SPP2: variants seen among roughly 807,000 people sequenced by gnomAD.
The protein encoded by SPP2 is secreted phosphoprotein 2.
SPP2 carries 34 observed loss-of-function variants against 28.8 expected under a neutral mutation model. The ratio of observed to expected loss-of-function variants is 1.18; its 90% CI spans 0.90 to 1.57. SPP2 has a LOEUF of 1.57. Ranked by LOEUF, SPP2 falls within the 40% of genes most tolerant of loss-of-function variation. The probability of loss-of-function intolerance (pLI) is 0.00; values close to 1 mark genes in which losing one functional copy is unlikely to be tolerated. For synonymous variants in SPP2, 96 were observed against 89.4 expected (o/e 1.07, Z -0.42); for missense variants, 269 against 263.9 (o/e 1.02, Z -0.13).
rs531479150 is a variant in SPP2, at chr2:234,059,080, T to C, written c.333+122T>C. The C allele has an allele frequency of 3.5e-6, 4 of 1,153,258 alleles. 1 individual carries two copies. In the South Asian group the frequency reaches 5.9e-5, roughly 17 times the overall value. 71.4% of individuals were successfully genotyped at this position (1,153,258 alleles called of 1,614,324 possible). ...CTAGCATCTGGCCACACTGCTAACA[T>C]GTGGACATTGTGTCCCCTGGTGGGG... On this transcript the variant is annotated intron_variant, in intron 3 of 7. Coordinates refer to ENST00000168148, the MANE Select transcript of SPP2 (RefSeq NM_006944.3).
At chr2:234,073,124 G>T (rs1270334422) in intron 7 of SPP2, among the ~76,000 whole-genome samples, 2 of 152,192 alleles carry the variant, frequency 1.3e-5, no homozygotes, top group Admixed American at 6.5e-5. Flanking sequence ...CTGACCTCAA[G>T]TGCTCCACCT....
At chr2:234,070,652 G>A (rs1574836138) in intron 7 of SPP2, among the ~76,000 whole-genome samples, 2 of 152,148 alleles carry the variant, frequency 1.3e-5, no homozygotes, top group African/African-American at 4.8e-5. Context: ...AGTAGAGATA[G>A]CGTTTTACCA....
At chr2:234,075,329 G>A (rs911674029) in intron 7 of SPP2, among the ~76,000 whole-genome samples, 14 of 152,074 alleles carry the variant, frequency 9.2e-5, no homozygotes, top group Admixed American at 3.3e-4. Flanking sequence ...ATTACTCTCC[G>A]TTGATCTCTT....
intron 7 of SPP2, among the ~76,000 whole-genome samples, chr2:234,071,228 A>G (rs7557035): frequency 0.28 from 42,738 of 152,088 alleles, 6,141 homozygotes; most frequent in South Asian, 0.42. Flanking sequence ...TTCTGATCCC[A>G]TACTGTCTAC....
chr2:234,062,383 A>G (rs545329924), intron 4 of SPP2, among the ~76,000 whole-genome samples: 205 of 152,314 alleles, frequency 1.3e-3, no homozygotes, highest in South Asian at 8.3e-4. Flanking sequence ...CTGAATTGCC[A>G]GGAAAGCTGG....
chr2:234,060,473 C>G lies in SPP2; in HGVS notation c.438C>G (p.Ser146Arg), dbSNP rs748604950. The G allele has an allele frequency of 6.8e-6, 11 of 1,613,002 alleles. No homozygotes were observed. The highest frequency in any genetic ancestry group is 8.5e-6 in the Non-Finnish European group (10 of 1,179,452). Residue 146 changes from serine to arginine, a missense_variant, in exon 4 of 8, where the codon AGC becomes AGG. Coordinates refer to ENST00000168148, the MANE Select transcript of SPP2 (RefSeq NM_006944.3). ...WSSSTSESYS[S>R]EEMIFGDMLG... ...CCTCCACGTCTGAGTCTTACAGCAG[C>G]GAAGAGGTATGACTGGGGCCTTGTC...
intron 7 of SPP2, among the ~76,000 whole-genome samples, chr2:234,071,937 C>T (rs1371480142): frequency 6.6e-6 from 1 of 152,216 alleles, no homozygotes; most frequent in African/African-American, 2.4e-5. Context: ...TCTGTAGGTT[C>T]CTCATCACAG....
chr2:234,071,523 G>A (rs1031184668), intron 7 of SPP2, among the ~76,000 whole-genome samples: 3 of 152,206 alleles, frequency 2.0e-5, no homozygotes, highest in South Asian at 2.1e-4. Context: ...AAGGGCACAC[G>A]TAAGAGGAAT....
At chr2:234,054,772 A>G (rs1294761763) in intron 2 of SPP2, among the ~76,000 whole-genome samples, 1 of 151,924 alleles carries the variant, frequency 6.6e-6, no homozygotes, top group African/African-American at 2.4e-5. Flanking sequence ...TGCTGTGTGG[A>G]GTGGGGTGTG....
chr2:234,061,285 T>G (rs1227016583), intron 4 of SPP2, among the ~76,000 whole-genome samples: 1 of 152,222 alleles, frequency 6.6e-6, no homozygotes, highest in East Asian at 1.9e-4. Flanking sequence ...TTTGTTTTTG[T>G]CAGTCTAGGA....
intron 4 of SPP2, among the ~76,000 whole-genome samples, chr2:234,065,427 G>T (rs1359536970): frequency 6.6e-6 from 1 of 152,084 alleles, no homozygotes; most frequent in South Asian, 2.1e-4. Flanking sequence ...CTACACGTGC[G>T]TGCCACCATG....
At chr2:234,059,016 A>G in intron 3 of SPP2, 58 bp downstream of exon 3, 7 of 1,578,022 alleles carry the variant, frequency 4.4e-6, no homozygotes, top group South Asian at 1.2e-5. Context: ...CACTTCTTCC[A>G]TGACCTGGAG....
intron 2 of SPP2, among the ~76,000 whole-genome samples, chr2:234,056,855 A>G (rs1693618203): frequency 2.0e-5 from 3 of 152,136 alleles, no homozygotes; most frequent in Non-Finnish European, 4.4e-5. Context: ...TATGTGTCCT[A>G]TGTTAGGAGA....
chr2:234,066,688 T>C, intron 5 of SPP2, 101 bp downstream of exon 5: 1 of 892,194 alleles, frequency 1.1e-6, no homozygotes, highest in African/African-American at 1.7e-5. Flanking sequence ...CATATGTATG[T>C]AATCTTGCAA....
At chr2:234,054,417 C>T (rs1412360802) in intron 2 of SPP2, among the ~76,000 whole-genome samples, 1 of 152,280 alleles carries the variant, frequency 6.6e-6, no homozygotes, top group African/African-American at 2.4e-5. Flanking sequence ...ACCACGAACA[C>T]ATAACAAACC....
chr2:234,059,585 C>T (rs1559173367), intron 3 of SPP2, among the ~76,000 whole-genome samples: 1 of 151,484 alleles, frequency 6.6e-6, no homozygotes, highest in African/African-American at 2.4e-5. Context: ...TAGGGACTTA[C>T]AAACAGAATG....
rs1559173001 is a variant in SPP2 at position 234,058,898 on chromosome 2, AT to A, written c.274del (p.Cys92AlafsTer29). ...TAGAGTTCAGCATCCGGGAGACTAC[AT>A]GCAGGAAGGATTCTGGAGAAGATCC... is the stretch of plus-strand genomic sequence containing the variant. ...NLEFSIRETTCRKDSGEDPAT... is the reference protein window; with the variant it reads ...NLEFSIRETTXRKDSGEDPAT... On this transcript the variant is annotated frameshift_variant, in exon 3 of 8. Coordinates refer to ENST00000168148, the MANE Select transcript of SPP2 (RefSeq NM_006944.3). LOFTEE classifies it high-confidence loss of function. 1 of 1,614,158 alleles carries A rather than the reference AT, an allele frequency of 6.2e-7. No homozygotes were observed. The highest frequency in any genetic ancestry group is 8.5e-7 in the Non-Finnish European group (1 of 1,179,998).
chr2:234,064,884 A>G (rs1034724871), intron 4 of SPP2, among the ~76,000 whole-genome samples: 2 of 152,240 alleles, frequency 1.3e-5, no homozygotes, highest in African/African-American at 4.8e-5. Context: ...AGCATGCATC[A>G]ATGCTTCATT....
intron 2 of SPP2, among the ~76,000 whole-genome samples, chr2:234,057,406 C>T (rs1309564661): frequency 6.6e-6 from 1 of 152,208 alleles, no homozygotes; most frequent in Non-Finnish European, 1.5e-5. Flanking sequence ...ACAGGATGAG[C>T]TTCTTCCCAT....
Sources: gnomAD v4.1 joint callset for allele counts (sites outside exome capture counted in the v4.1 genomes callset) on GRCh38, gnomAD v4.1.1 for gene constraint, MANE v1.5 for transcripts, NCBI Gene and HGNC (gene_info 2026-07-23, HGNC 2026-07-21) for gene names.